JADE2: variants seen among roughly 807,000 people sequenced by gnomAD.
JADE2 encodes the protein jade family PHD finger 2.
JADE2 carries 13 observed loss-of-function variants against 85.7 expected under a neutral mutation model. The observed-to-expected ratio is 0.15, with a 90% CI of 0.10 to 0.24. JADE2 has a LOEUF of 0.24. Among genes scored for constraint, JADE2 ranks in the 10% least tolerant of loss-of-function variants. The probability of loss-of-function intolerance (pLI) is 1.00; values close to 1 mark genes in which losing one functional copy is unlikely to be tolerated. For missense variants in JADE2, 846 were observed against 1,115.9 expected (o/e 0.76, Z 3.45); for synonymous variants, 440 against 456.1 (o/e 0.96, Z 0.45).
At position 134,581,268 on chromosome 5, in the gene JADE2, T is replaced by G. The variant is rs1357139857; in HGVS notation, c.*1951T>G. The stretch of plus-strand genomic sequence containing the variant: ...GTAGAGTTTAGTCTGCCTGCCCGCC[T>G]TGGTAGTAGTGACCAGTCAGTGTCA... On this transcript the variant is annotated 3_prime_UTR_variant, in exon 12 of 12. Transcript: ENST00000681547. 1 of 152,646 alleles carries G rather than the reference T, an allele frequency of 6.6e-6. No homozygotes were observed. The highest frequency in any genetic ancestry group is 1.5e-5 in the Non-Finnish European group (1 of 68,060). The allele number at this position is 152,646 out of a possible 1,614,324, so 9.5% of individuals were successfully genotyped here.
At chr5:134,546,389 A>C (rs143026977) in intron 3 of JADE2, among the ~76,000 whole-genome samples, 1 of 152,174 alleles carries the variant, frequency 6.6e-6, no homozygotes, top group Admixed American at 6.5e-5. Flanking sequence ...ACTGTGCCAA[A>C]AGCAGGCACA....
At chr5:134,539,601 A>G (rs1443510541) in intron 3 of JADE2, among the ~76,000 whole-genome samples, 1 of 152,244 alleles carries the variant, frequency 6.6e-6, no homozygotes, top group Non-Finnish European at 1.5e-5. Flanking sequence ...AGAATTTCTC[A>G]GTCCTGTTGA....
Position 134,582,944 on chromosome 5 carries a change from A to C in JADE2, c.*3627A>C, listed in dbSNP as rs1159777244. On this transcript the variant is annotated 3_prime_UTR_variant, in exon 12 of 12. Transcript: ENST00000681547. Reference sequence around the variant, plus strand: ...AGAAAAGATTCCTTTGTAGAGAAAAAATGTATTTTTCATTAACGCAAAGAC... The same window carrying C: ...AGAAAAGATTCCTTTGTAGAGAAAACATGTATTTTTCATTAACGCAAAGAC... 1 of 152,614 alleles carries C rather than the reference A, an allele frequency of 6.6e-6. No individual in the cohort carries two copies. Among genetic ancestry groups the C allele is most frequent in the East Asian group, 1.9e-4 (1 of 5,206 alleles). 9.5% of individuals were successfully genotyped at this position (152,614 alleles called of 1,614,324 possible).
chr5:134,526,846 A>T (rs1404555203), intron 1 of JADE2: 2 of 802,804 alleles, frequency 2.5e-6, no homozygotes, highest in Non-Finnish European at 3.0e-6. Context: ...GCGGTAGTCC[A>T]GCTGGGGAGA....
chr5:134,558,465 G>A (rs967979316), intron 4 of JADE2, among the ~76,000 whole-genome samples: 1 of 151,474 alleles, frequency 6.6e-6, no homozygotes, highest in Non-Finnish European at 1.5e-5. Context: ...CCACGCCTAT[G>A]TCCTGAATGG....
chr5:134,555,066 C>T (rs991026817), intron 4 of JADE2, among the ~76,000 whole-genome samples: 1 of 152,150 alleles, frequency 6.6e-6, no homozygotes, highest in African/African-American at 2.4e-5. Context: ...CTGTGAGGCC[C>T]AGAGACAGAG....
chr5:134,564,703 A>T, intron 8 of JADE2, 93 bp downstream of exon 8: 1 of 748,152 alleles, frequency 1.3e-6, no homozygotes, highest in Non-Finnish European at 2.2e-6. Context: ...TCTCCCCTCC[A>T]TGGGGCTGCA....
chr5:134,532,953 CCACAAAAT>C (rs1761339844), intron 1 of JADE2, among the ~76,000 whole-genome samples: 1 of 152,208 alleles, frequency 6.6e-6, no homozygotes, highest in African/African-American at 2.4e-5. Context: ...AATTAAGCCA[CCACAAAAT>C]CTGCTCCCTT....
At chr5:134,524,565 G>A (rs1305943078), upstream of JADE2, 1 of 152,912 alleles carries the variant, frequency 6.5e-6, no homozygotes, top group Non-Finnish European at 1.5e-5. Context: ...GTAATGGGAA[G>A]GAAGAGCAAG....
chr5:134,550,266 A>G (rs1157739139), intron 3 of JADE2, among the ~76,000 whole-genome samples: 1 of 152,230 alleles, frequency 6.6e-6, no homozygotes, highest in African/African-American at 2.4e-5. Flanking sequence ...ACCTTTTTCA[A>G]GCCAGGGCTG....
intron 9 of JADE2, among the ~76,000 whole-genome samples, chr5:134,569,472 C>T (rs528725267): frequency 1.3e-5 from 2 of 152,328 alleles, no homozygotes; most frequent in South Asian, 2.1e-4. Context: ...AAGGCATGGC[C>T]ACTGCAGCCT....
chr5:134,534,251 G>GGCT (rs1023842734), intron 1 of JADE2, among the ~76,000 whole-genome samples: 19 of 152,130 alleles, frequency 1.2e-4, no homozygotes, highest in Admixed American at 1.2e-3. Flanking sequence ...TATAACAAAG[G>GGCT]GCTGCTCTAG....
chr5:134,562,067 G>C lies in JADE2; in HGVS notation c.685-133G>C. ...TTCCTTGCATTGTAACTCCTCAGAA[G>C]TTGTACGTGCCAGAGATGGGAGGCT... On this transcript the variant is annotated intron_variant, in intron 6 of 11. Coordinates refer to ENST00000681547, the MANE Select transcript of JADE2 (RefSeq NM_001388185.1). This position sits in a 1 kb window ranked among gnomAD's most constrained non-coding sequence, Gnocchi z 4.6. 1 of 880,918 alleles carries C rather than the reference G, an allele frequency of 1.1e-6. No homozygotes were observed. The highest frequency in any genetic ancestry group is 1.7e-6 in the Non-Finnish European group (1 of 592,662). 54.6% of individuals were successfully genotyped at this position (880,918 alleles called of 1,614,324 possible).
At chr5:134,553,579 C>T (rs1279501930) in intron 4 of JADE2, among the ~76,000 whole-genome samples, 2 of 152,004 alleles carry the variant, frequency 1.3e-5, no homozygotes, top group African/African-American at 2.4e-5. Flanking sequence ...GTCTCGAGCT[C>T]CTGACCTCAT....
intron 1 of JADE2, chr5:134,526,239 A>C (rs1277873141): frequency 2.6e-5 from 26 of 985,274 alleles, no homozygotes; most frequent in Non-Finnish European, 3.1e-5. Flanking sequence ...TAAAGAGTAC[A>C]GTGCGGGGAG....
intron 4 of JADE2, among the ~76,000 whole-genome samples, chr5:134,555,257 T>G (rs970886761): frequency 1.3e-5 from 2 of 152,226 alleles, no homozygotes; most frequent in African/African-American, 4.8e-5. Context: ...AGTGAGGGCC[T>G]GTCCTGCCCC....
chr5:134,529,771 A>G (rs917876234), intron 1 of JADE2, among the ~76,000 whole-genome samples: 1 of 152,224 alleles, frequency 6.6e-6, no homozygotes. Flanking sequence ...TAGGCAGCCG[A>G]TATGGGAGCG....
Position 134,582,658 on chromosome 5 carries a change from G to A in JADE2, c.*3341G>A, listed in dbSNP as rs1764766205. The A allele has an allele frequency of 6.5e-6, 1 of 152,672 alleles. No homozygotes were observed. The highest frequency in any genetic ancestry group is 1.5e-5 in the Non-Finnish European group (1 of 68,050). The allele number at this position is 152,672 out of a possible 1,614,324, so 9.5% of individuals were successfully genotyped here. On this transcript the variant is annotated 3_prime_UTR_variant, in exon 12 of 12. Coordinates refer to ENST00000681547, the MANE Select transcript of JADE2 (RefSeq NM_001388185.1). ...CCACATTGGCCAATGAGCCAGGGCT[G>A]GAGTCTGAGACCTTTGGTTGTTCTT... is the stretch of plus-strand genomic sequence containing the variant.
chr5:134,566,900 C>A lies in JADE2; in HGVS notation c.1434+320C>A, dbSNP rs755451336. ...GAGGCTGAGAGCACCAGAGCTAGGG[C>A]GAGGACCTAGGCTTCTGGCACTTGC... On this transcript the variant is annotated intron_variant, in intron 9 of 11. Coordinates refer to ENST00000681547, the MANE Select transcript of JADE2 (RefSeq NM_001388185.1). The surrounding 1 kb of genome is among the most constrained non-coding windows in gnomAD (Gnocchi z 6.7). Among the ~76,000 whole-genome samples, 5 of 152,198 alleles carry A rather than the reference C, an allele frequency of 3.3e-5. No homozygotes were observed. Among genetic ancestry groups the A allele is most frequent in the African/African-American group, 1.2e-4 (5 of 41,444 alleles).
Sources: gnomAD v4.1 joint callset for allele counts (sites outside exome capture counted in the v4.1 genomes callset) on GRCh38, gnomAD v4.1.1 for gene constraint, Gnocchi (gnomAD v3.1) non-coding constraint, MANE v1.5 for transcripts, NCBI Gene and HGNC (gene_info 2026-07-23, HGNC 2026-07-21) for gene names.